The following PCDH7 variants were observed in gnomAD, a reference collection of about 807,000 sequenced individuals.
PCDH7 encodes the protein protocadherin-7.
In PCDH7, 17 loss-of-function variants were observed where a neutral mutation model predicts 58.9. The observed-to-expected ratio is 0.29, with a 90% CI of 0.20 to 0.43. The LOEUF is 0.43. Among genes scored for constraint, PCDH7 ranks in the 20% least tolerant of loss-of-function variants. PCDH7 has a pLI of 1.00. For synonymous variants in PCDH7, 664 were observed against 616.4 expected (o/e 1.08, Z -1.14); for missense variants, 1,274 against 1,441.0 (o/e 0.88, Z 1.88).
At chr4:30,851,533 A>T (rs902393384) in intron 1 of PCDH7, among the ~76,000 whole-genome samples, 1 of 152,004 alleles carries the variant, frequency 6.6e-6, no homozygotes, top group African/African-American at 2.4e-5. Context: ...TCTTACTTCA[A>T]GGTAAATGAA....
At chr4:30,743,715 C>T (rs2109250977) in intron 1 of PCDH7, among the ~76,000 whole-genome samples, 1 of 151,536 alleles carries the variant, frequency 6.6e-6, no homozygotes, top group East Asian at 2.0e-4. Context: ...CTCAATCTTT[C>T]TCTCTCATAC....
chr4:30,968,997 A>C (rs1749299926), intron 3 of PCDH7, among the ~76,000 whole-genome samples: 1 of 152,186 alleles, frequency 6.6e-6, no homozygotes, highest in South Asian at 2.1e-4. Context: ...ATAAAATTGT[A>C]ATCTTTTCTT....
At chr4:30,969,575 TA>T (rs2109471190) in intron 3 of PCDH7, among the ~76,000 whole-genome samples, 1 of 152,284 alleles carries the variant, frequency 6.6e-6, no homozygotes, top group African/African-American at 2.4e-5. Flanking sequence ...GCCTCATCTC[TA>T]AATGTATATG....
At position 31,077,177 on chromosome 4, in the gene PCDH7, G is replaced by T. The variant is rs545551751; in HGVS notation, c.*8-65296G>T. On this transcript the variant is annotated intron_variant, in intron 3 of 3. Transcript: ENST00000509759. ...TGTAATCCCAGCACTTTGGGAGGCC[G>T]AGGCGAGCAGATCACCTGAGGTCAG... Among the ~76,000 whole-genome samples the T allele has an allele frequency of 1.4e-4, 21 of 152,134 alleles. No homozygotes were observed. The East Asian group carries it at 3.1e-3, about 22-fold the overall frequency.
intron 1 of PCDH7, among the ~76,000 whole-genome samples, chr4:30,837,607 G>A (rs567770312): frequency 1.3e-5 from 2 of 151,872 alleles, no homozygotes; most frequent in African/African-American, 2.4e-5. Context: ...GGGAGGATGG[G>A]CATTGTCTGT....
chr4:31,051,305 C>T (rs1756713809), intron 3 of PCDH7, among the ~76,000 whole-genome samples: 1 of 152,128 alleles, frequency 6.6e-6, no homozygotes. Flanking sequence ...ATATCCCCTG[C>T]ATCTGTTTAT....
At chr4:30,870,807 C>T (rs1359756197) in intron 1 of PCDH7, among the ~76,000 whole-genome samples, 1 of 152,140 alleles carries the variant, frequency 6.6e-6, no homozygotes, top group Non-Finnish European at 1.5e-5. Flanking sequence ...ACAGTCTTGG[C>T]TATGCCTCAG....
intron 3 of PCDH7, among the ~76,000 whole-genome samples, chr4:30,986,320 T>A (rs1192012069): frequency 3.9e-5 from 6 of 151,928 alleles, no homozygotes; most frequent in African/African-American, 1.2e-4. Flanking sequence ...TTTAGTCTTT[T>A]AAAAAAAATT....
At chr4:31,050,537 A>G (rs185505270) in intron 3 of PCDH7, among the ~76,000 whole-genome samples, 3 of 152,276 alleles carry the variant, frequency 2.0e-5, no homozygotes, top group Non-Finnish European at 2.9e-5. Context: ...AATATGATCC[A>G]TGCTTCATTG....
At chr4:30,778,272 G>T (rs1168955350) in intron 1 of PCDH7, among the ~76,000 whole-genome samples, 1 of 152,004 alleles carries the variant, frequency 6.6e-6, no homozygotes, top group African/African-American at 2.4e-5. Context: ...AATACATCAC[G>T]CTGCACTTAT....
intron 1 of PCDH7, among the ~76,000 whole-genome samples, chr4:30,771,496 G>T (rs1721395175): frequency 2.0e-5 from 3 of 152,154 alleles, no homozygotes; most frequent in African/African-American, 4.8e-5. Context: ...GGGGCTGGGG[G>T]TTAGAAGTTG....
chr4:31,030,529 A>G (rs1754815904), intron 3 of PCDH7, among the ~76,000 whole-genome samples: 1 of 152,242 alleles, frequency 6.6e-6, no homozygotes, highest in South Asian at 2.1e-4. Context: ...TTATTTACAT[A>G]TAATTTTAAT....
At chr4:30,889,624 A>G (rs1738341010) in intron 1 of PCDH7, among the ~76,000 whole-genome samples, 2 of 152,168 alleles carry the variant, frequency 1.3e-5, no homozygotes, top group South Asian at 4.1e-4. Context: ...GAGGCTGGAA[A>G]ATTCAAGATC....
chr4:30,749,476 A>G (rs1718224668), intron 1 of PCDH7, among the ~76,000 whole-genome samples: 2 of 152,112 alleles, frequency 1.3e-5, no homozygotes, highest in Admixed American at 6.6e-5. Flanking sequence ...ATTTAACATA[A>G]AATCATCAAA....
chr4:30,867,512 A>G (rs1381966663), intron 1 of PCDH7, among the ~76,000 whole-genome samples: 1 of 152,052 alleles, frequency 6.6e-6, no homozygotes, highest in African/African-American at 2.4e-5. Flanking sequence ...TAACTTTTGC[A>G]TTCCTAACCA....
chr4:30,761,560 T>G (rs1372256717), intron 1 of PCDH7, among the ~76,000 whole-genome samples: 1 of 152,180 alleles, frequency 6.6e-6, no homozygotes, highest in Non-Finnish European at 1.5e-5. Flanking sequence ...CTGATATATA[T>G]TTTATAATTA....
chr4:30,948,071 T>G (rs1746923420), intron 2 of PCDH7, among the ~76,000 whole-genome samples: 1 of 136,590 alleles, frequency 7.3e-6, no homozygotes, highest in African/African-American at 3.1e-5. Context: ...TATGAAATCA[T>G]TTTATATTGC....
intron 2 of PCDH7, among the ~76,000 whole-genome samples, chr4:30,930,508 A>G (rs1744432937): frequency 6.6e-6 from 1 of 152,236 alleles, no homozygotes; most frequent in Non-Finnish European, 1.5e-5. Flanking sequence ...TCCTGGGAAT[A>G]GATCAGACTA....
intron 1 of PCDH7, among the ~76,000 whole-genome samples, chr4:30,859,432 CTTCTTTTTTTTTT>C (rs1394813796): frequency 6.6e-6 from 1 of 151,064 alleles, no homozygotes; most frequent in Non-Finnish European, 1.5e-5. Flanking sequence ...AGCTCTAATT[CTTCTTTTTTTTTT>C]TTCTTTTTTT....
Sources: gnomAD v4.1 joint callset for allele counts (sites outside exome capture counted in the v4.1 genomes callset) on GRCh38, gnomAD v4.1.1 for gene constraint, MANE v1.5 for transcripts, NCBI Gene and HGNC (gene_info 2026-07-23, HGNC 2026-07-21) for gene names.